The following RPS6KA5 variants were observed in gnomAD, a reference collection of about 807,000 sequenced individuals.
RPS6KA5 encodes ribosomal protein S6 kinase A5, also known as ribosomal protein S6 kinase alpha-5.
A neutral mutation model predicts 85.5 loss-of-function variants in RPS6KA5; 27 were observed. That is an observed-to-expected ratio of 0.32 (90% CI 0.23 to 0.44). The LOEUF is 0.44. RPS6KA5 is among the 20% of genes least tolerant of loss of function. The probability of loss-of-function intolerance (pLI) is 1.00; values close to 1 mark genes in which losing one functional copy is unlikely to be tolerated. For missense variants in RPS6KA5, 811 were observed against 980.9 expected, an observed-to-expected ratio of 0.83 and a Z score of 2.31; for synonymous variants, 334 against 348.2, an observed-to-expected ratio of 0.96 and a Z score of 0.46.
chr14:90,875,125 A>G (rs2033369240), intron 15 of RPS6KA5, 76 bp downstream of exon 15: 1 of 1,337,082 alleles, frequency 7.5e-7, no homozygotes. Context: ...TAACATATGA[A>G]TGTATGTGTA....
At chr14:90,874,423 G>A (rs1239772777) in intron 15 of RPS6KA5, among the ~76,000 whole-genome samples, 1 of 152,166 alleles carries the variant, frequency 6.6e-6, no homozygotes, top group East Asian at 1.9e-4. Context: ...AAGACACGGA[G>A]GGATCTGAAA....
chr14:91,050,313 T>C (rs1319905435), intron 1 of RPS6KA5, among the ~76,000 whole-genome samples: 4 of 152,134 alleles, frequency 2.6e-5, no homozygotes, highest in Non-Finnish European at 5.9e-5. Context: ...CCCAAGAGTT[T>C]GAAGCTGCGG....
intron 4 of RPS6KA5, among the ~76,000 whole-genome samples, 167 bp from the exon 5 acceptor site, chr14:90,943,352 A>G (rs1171642498): frequency 6.6e-6 from 1 of 151,320 alleles, no homozygotes. Flanking sequence ...AAATTCTTTT[A>G]TCTGCTGCGT....
chr14:90,960,626 G>T (rs2038749746), intron 3 of RPS6KA5, among the ~76,000 whole-genome samples: 1 of 152,254 alleles, frequency 6.6e-6, no homozygotes, highest in East Asian at 1.9e-4. Context: ...GTAGAATAAA[G>T]CACTTGAAAA....
chr14:90,952,260 T>C (rs1046697955), intron 3 of RPS6KA5, among the ~76,000 whole-genome samples: 1 of 152,246 alleles, frequency 6.6e-6, no homozygotes, highest in Non-Finnish European at 1.5e-5. Context: ...AACTGTCCAA[T>C]GCATTACCTG....
intron 1 of RPS6KA5, among the ~76,000 whole-genome samples, chr14:91,029,967 T>C (rs79862890): frequency 0.022 from 3,338 of 152,134 alleles, 45 homozygotes; most frequent in Non-Finnish European, 0.031. Context: ...AACCCTAAGC[T>C]AAAATGCATG....
At chr14:90,899,299 T>TG (rs752571442) in intron 12 of RPS6KA5, 30 bp downstream of exon 12, 84 of 1,064,490 alleles carry the variant, frequency 7.9e-5, no homozygotes, top group African/African-American at 3.4e-4. Context: ...TTAGTACACA[T>TG]GGGAAAAAAA....
intron 2 of RPS6KA5, among the ~76,000 whole-genome samples, chr14:90,994,700 T>C (rs1283648194): frequency 3.4e-5 from 5 of 149,224 alleles, no homozygotes; most frequent in African/African-American, 9.8e-5. Context: ...GCCTCCCAAC[T>C]AGCTGGGAGT....
chr14:90,953,392 A>G (rs774013357), intron 3 of RPS6KA5, among the ~76,000 whole-genome samples: 8 of 152,216 alleles, frequency 5.3e-5, no homozygotes, highest in Non-Finnish European at 1.2e-4. Flanking sequence ...TCACCTCAGG[A>G]CCACTATGAT....
chr14:91,016,264 C>T (rs921356102), intron 1 of RPS6KA5, among the ~76,000 whole-genome samples: 2 of 151,838 alleles, frequency 1.3e-5, no homozygotes, highest in African/African-American at 2.4e-5. Flanking sequence ...TCTTTAGAGA[C>T]GGGGTCTTAC....
At chr14:90,882,941 GT>G (rs2033949976) in intron 14 of RPS6KA5, among the ~76,000 whole-genome samples, 1 of 152,146 alleles carries the variant, frequency 6.6e-6, no homozygotes, top group South Asian at 2.1e-4. Flanking sequence ...GGGATTATAG[GT>G]GTGTGCCACC....
At chr14:90,987,740 A>G (rs1053862271) in intron 2 of RPS6KA5, among the ~76,000 whole-genome samples, 2 of 152,166 alleles carry the variant, frequency 1.3e-5, no homozygotes, top group Non-Finnish European at 2.9e-5. Flanking sequence ...GGATATCCAC[A>G]TAAGGAAAAA....
rs1375193251 is a variant in RPS6KA5 at position 90,861,578 on chromosome 14, T to C, written c.*10496A>G. The C allele has an allele frequency of 6.6e-6, 1 of 150,832 alleles. No individual in the cohort carries two copies. Among genetic ancestry groups the C allele is most frequent in the Non-Finnish European group, 1.5e-5 (1 of 67,808 alleles). The allele number at this position is 150,832 out of a possible 1,614,324, so 9.3% of individuals were successfully genotyped here. ...AAAACACATATATAGAGATAAAACA[T>C]ACATAGAATGTAGAAGTAAAATACA... On this transcript the variant is annotated 3_prime_UTR_variant, in exon 17 of 17. Transcript: ENST00000614987.
chr14:90,942,957 CA>C, intron 5 of RPS6KA5, 120 bp downstream of exon 5: 1 of 682,350 alleles, frequency 1.5e-6, no homozygotes, highest in South Asian at 1.8e-5. Flanking sequence ...TTTCCATGGA[CA>C]AATCTGCACA....
chr14:90,854,385 A>G lies in RPS6KA5; in HGVS notation c.*17689T>C, dbSNP rs1055433925. ...CTAAGTTTTTAGAAATAGCCTACAT[A>G]ATGAAGATTATGTATTATATAGTCA... On this transcript the variant is annotated 3_prime_UTR_variant, in exon 17 of 17. Transcript: ENST00000614987. 2 of 152,220 alleles carry G rather than the reference A, an allele frequency of 1.3e-5. No homozygotes were observed. The highest frequency in any genetic ancestry group is 2.9e-5 in the Non-Finnish European group (2 of 68,016). 9.4% of individuals were successfully genotyped at this position (152,220 alleles called of 1,614,324 possible).
intron 2 of RPS6KA5, among the ~76,000 whole-genome samples, chr14:90,983,050 T>C (rs1286070): frequency 0.19 from 28,211 of 151,342 alleles, 2,783 homozygotes; most frequent in East Asian, 0.32. Flanking sequence ...GAGGTGGAGC[T>C]TGCAGTGAGC....
chr14:90,893,153 A>C (rs2034651690), intron 13 of RPS6KA5, among the ~76,000 whole-genome samples: 1 of 152,186 alleles, frequency 6.6e-6, no homozygotes, highest in African/African-American at 2.4e-5. Context: ...AAAAAACTAC[A>C]TGCTTGTTCC....
intron 7 of RPS6KA5, 35 bp from the exon 8 acceptor site, chr14:90,906,334 A>C: frequency 6.7e-7 from 1 of 1,491,352 alleles, no homozygotes. Flanking sequence ...TAAAACAAAC[A>C]GGATGACAAA....
intron 2 of RPS6KA5, among the ~76,000 whole-genome samples, chr14:90,995,536 A>G (rs983286598): frequency 6.6e-6 from 1 of 152,106 alleles, no homozygotes; most frequent in Non-Finnish European, 1.5e-5. Context: ...GCTGTCTCCT[A>G]TATATGAAGT....
Sources: allele counts gnomAD v4.1 joint callset (sites outside exome capture counted in the v4.1 genomes callset), GRCh38; gene constraint gnomAD v4.1.1; transcripts MANE v1.5; gene names NCBI Gene and HGNC (gene_info 2026-07-23, HGNC 2026-07-21).